Variants in RNASEH2B observed in about 807,000 individuals in gnomAD.
RNASEH2B encodes the protein Aicardi-Goutieres syndrome 2 protein.
A neutral mutation model predicts 45.0 loss-of-function variants in RNASEH2B; 36 were observed. That is an observed-to-expected ratio of 0.80 (90% CI 0.61 to 1.06). RNASEH2B has a LOEUF of 1.06. Ranked by LOEUF, RNASEH2B falls within the 50% of genes least tolerant of loss-of-function variation. The probability of loss-of-function intolerance (pLI) is 0.00; values close to 1 mark genes in which losing one functional copy is unlikely to be tolerated. For synonymous variants in RNASEH2B, 119 were observed against 125.7 expected (o/e 0.95, Z 0.35); for missense variants, 361 against 360.3 (o/e 1.00, Z -0.02).
intron 9 of RNASEH2B, among the ~76,000 whole-genome samples, chr13:50,966,467 A>G (rs971925166): frequency 1.3e-5 from 2 of 151,784 alleles, no homozygotes; most frequent in African/African-American, 4.8e-5. Context: ...CTGCAAAACC[A>G]CTTGGGTACA....
Position 50,910,007 on chromosome 13 carries a change from AT to A in RNASEH2B, c.-66del. The A allele has an allele frequency of 3.0e-6, 4 of 1,355,808 alleles. No individual in the cohort carries two copies. The highest frequency in any genetic ancestry group is 2.5e-5 in the Admixed American group (1 of 39,372). The allele number at this position is 1,355,808 out of a possible 1,614,324, so 84.0% of individuals were successfully genotyped here. On this transcript the variant is annotated 5_prime_UTR_variant, in exon 1 of 11. Transcript: ENST00000336617. ...ACCCGGAACAGACCCTTCTCCCGCC[AT>A]TTTCGGCGGGGCTGGGAGACTGAGG... is the stretch of plus-strand genomic sequence containing the variant.
chr13:50,953,634 T>A, intron 9 of RNASEH2B: 1 of 498,502 alleles, frequency 2.0e-6, no homozygotes, highest in Non-Finnish European at 3.6e-6. Flanking sequence ...CTACAAAGCC[T>A]GTGTTTGCTG....
intron 4 of RNASEH2B, among the ~76,000 whole-genome samples, chr13:50,932,598 T>C: frequency 6.6e-6 from 1 of 152,214 alleles, no homozygotes; most frequent in Non-Finnish European, 1.5e-5. Flanking sequence ...AAAATGCAGA[T>C]AGCGTCTTAG....
intron 9 of RNASEH2B, among the ~76,000 whole-genome samples, chr13:50,966,751 A>G (rs1224791383): frequency 1.3e-5 from 2 of 152,110 alleles, no homozygotes; most frequent in African/African-American, 4.8e-5. Context: ...TCCCAAAATC[A>G]TATTTCTCTT....
chr13:50,949,745 A>G (rs1951953412), intron 9 of RNASEH2B, among the ~76,000 whole-genome samples: 1 of 152,188 alleles, frequency 6.6e-6, no homozygotes, highest in Non-Finnish European at 1.5e-5. Flanking sequence ...TTAGCAAGGT[A>G]CCCCTGTGAA....
downstream of RNASEH2B, among the ~76,000 whole-genome samples, chr13:50,961,413 T>G (rs968035792): frequency 1.3e-5 from 2 of 152,214 alleles, no homozygotes; most frequent in African/African-American, 4.8e-5. Flanking sequence ...ATTTTTATTT[T>G]ATCCAGTGGG....
At chr13:50,931,910 T>C (rs1236226226) in intron 4 of RNASEH2B, among the ~76,000 whole-genome samples, 3 of 151,968 alleles carry the variant, frequency 2.0e-5, no homozygotes, top group Non-Finnish European at 4.4e-5. Flanking sequence ...AAAATATTGA[T>C]TTGCTGAGTT....
At chr13:50,923,703 A>C (rs1016547598) in intron 1 of RNASEH2B, among the ~76,000 whole-genome samples, 1 of 152,252 alleles carries the variant, frequency 6.6e-6, no homozygotes, top group African/African-American at 2.4e-5. Context: ...AGGATAAGGC[A>C]CTAGATGATA....
chr13:50,951,428 A>G (rs1167882599), intron 9 of RNASEH2B: 1 of 152,012 alleles, frequency 6.6e-6, no homozygotes, highest in Non-Finnish European at 1.5e-5. Context: ...AATATGTTTT[A>G]TATTATTTTC....
chr13:50,930,606 A>G, intron 3 of RNASEH2B, 77 bp from the exon 4 acceptor site: 2 of 1,042,170 alleles, frequency 1.9e-6, no homozygotes, highest in Non-Finnish European at 3.0e-6. Flanking sequence ...ACTGTTTTTC[A>G]CTTTGAGATT....
At chr13:50,921,876 C>T (rs1308297595) in intron 1 of RNASEH2B, among the ~76,000 whole-genome samples, 1 of 152,164 alleles carries the variant, frequency 6.6e-6, no homozygotes, top group Non-Finnish European at 1.5e-5. Flanking sequence ...CTGAACTACT[C>T]CCATTTCCTC....
intron 5 of RNASEH2B, chr13:50,937,297 C>T (rs1015486783): frequency 6.6e-6 from 1 of 152,178 alleles, no homozygotes; most frequent in Non-Finnish European, 1.5e-5. Context: ...TCACGGCTCA[C>T]TGCAGCCTCA....
chr13:50,961,927 A>T (rs955541649), intron 9 of RNASEH2B, among the ~76,000 whole-genome samples: 1 of 152,144 alleles, frequency 6.6e-6, no homozygotes. Context: ...GATATTGTCA[A>T]ATAATTTGTA....
chr13:50,961,248 C>T (rs1952108470), downstream of RNASEH2B, among the ~76,000 whole-genome samples: 1 of 152,016 alleles, frequency 6.6e-6, no homozygotes, highest in Non-Finnish European at 1.5e-5. Context: ...TATCCTATTT[C>T]TTATCGGATG....
chr13:50,915,458 C>T (rs143673489), intron 1 of RNASEH2B: 398 of 398,650 alleles, frequency 1.0e-3, no homozygotes, highest in African/African-American at 6.5e-3. Flanking sequence ...ATGGGTCTCT[C>T]CTCTTGTTAC....
intron 10 of RNASEH2B, chr13:50,954,604 A>G (rs1041674563): frequency 6.6e-6 from 1 of 152,470 alleles, no homozygotes; most frequent in African/African-American, 2.4e-5. Context: ...ATATTTGGAC[A>G]TATAGGTTAC....
intron 8 of RNASEH2B, 57 bp from the exon 9 acceptor site, chr13:50,949,406 T>G: frequency 6.5e-7 from 1 of 1,538,950 alleles, no homozygotes; most frequent in Non-Finnish European, 9.0e-7. Flanking sequence ...GCCCTGTCTT[T>G]CTGTTTGTTT....
At chr13:50,920,535 G>T (rs925815214) in intron 1 of RNASEH2B, among the ~76,000 whole-genome samples, 7 of 152,190 alleles carry the variant, frequency 4.6e-5, no homozygotes, top group African/African-American at 1.7e-4. Context: ...ACCTAAAATG[G>T]CCAGCAAGAC....
downstream of RNASEH2B, chr13:50,959,649 C>T (rs1439893603): frequency 1.3e-5 from 2 of 152,170 alleles, no homozygotes; most frequent in Non-Finnish European, 2.9e-5. Context: ...GACGGGGTTT[C>T]TCCATGTTGG....
Sources: allele counts gnomAD v4.1 joint callset (sites outside exome capture counted in the v4.1 genomes callset), GRCh38; gene constraint gnomAD v4.1.1; transcripts MANE v1.5; gene names NCBI Gene and HGNC (gene_info 2026-07-23, HGNC 2026-07-21).